The following FRMD6 variants were observed in gnomAD, a reference collection of about 807,000 sequenced individuals.
FRMD6 encodes the protein FERM domain-containing protein 6.
Under a neutral mutation model 73.2 loss-of-function variants are expected in FRMD6, and 37 were observed. The observed-to-expected ratio is 0.51, with a 90% CI of 0.39 to 0.66. The LOEUF is 0.66. FRMD6 is among the 30% of genes least tolerant of loss of function. The probability of loss-of-function intolerance (pLI) is 0.00; values close to 1 mark genes in which losing one functional copy is unlikely to be tolerated. For synonymous variants in FRMD6, 273 were observed against 282.2 expected, an observed-to-expected ratio of 0.97 and a Z score of 0.33; for missense variants, 714 against 780.5, an observed-to-expected ratio of 0.91 and a Z score of 1.02.
At chr14:51,710,006 A>G (rs955092418) in intron 7 of FRMD6, among the ~76,000 whole-genome samples, 2 of 152,172 alleles carry the variant, frequency 1.3e-5, no homozygotes, top group Admixed American at 1.3e-4. Context: ...GTGAGTGCTC[A>G]ATAACCATTA....
chr14:51,716,686 CTG>C (rs908587132), intron 10 of FRMD6, among the ~76,000 whole-genome samples: 139 of 152,354 alleles, frequency 9.1e-4, no homozygotes, highest in African/African-American at 3.1e-3. Flanking sequence ...CACAAACTGC[CTG>C]TGTCTTCAGA....
chr14:51,592,467 C>T (rs575748731), intron 2 of FRMD6, among the ~76,000 whole-genome samples: 3 of 152,276 alleles, frequency 2.0e-5, no homozygotes, highest in Non-Finnish European at 4.4e-5. Flanking sequence ...AGTAGGTGCT[C>T]AATAAATATT....
rs146307553 is a variant in FRMD6, at chr14:51,568,478, T to C, written c.-209-1870T>C. Among the ~76,000 whole-genome samples the C allele has an allele frequency of 2.8e-4, 43 of 152,274 alleles. No individual in the cohort carries two copies. The East Asian group carries it at 2.9e-3, about 10-fold the overall frequency. ...CACTATCTTTGTCCCTATGTGGAAG[T>C]GAGGAGAGGTGACTAAGAAATGGCG... is the stretch of plus-strand genomic sequence containing the variant. On this transcript the variant is annotated intron_variant, in intron 1 of 14. Coordinates refer to the FRMD6 transcript ENST00000356218.
At chr14:51,525,863 C>A (rs924544813) in intron 1 of FRMD6, among the ~76,000 whole-genome samples, 3 of 152,156 alleles carry the variant, frequency 2.0e-5, no homozygotes, top group African/African-American at 7.2e-5. Context: ...CTGTGAGGCA[C>A]AGACTCTGCC....
In FRMD6 at chr14:51,524,536, C is replaced by T. The variant is rs940739235; in HGVS notation, c.-210+35116C>T. On this transcript the variant is annotated intron_variant, in intron 1 of 14. Transcript: ENST00000356218. Reference sequence around the variant, plus strand: ...ATACATTACTTTTTTATTTTTATGACGGGGGGGGTCTCTTTGTTGTTTAAA... The same window carrying T: ...ATACATTACTTTTTTATTTTTATGATGGGGGGGGTCTCTTTGTTGTTTAAA... Among the ~76,000 whole-genome samples the T allele has an allele frequency of 1.2e-4, 18 of 149,920 alleles. 1 individual carries two copies. Among genetic ancestry groups the T allele is most frequent in the Admixed American group, 8.0e-4 (12 of 15,082 alleles).
chr14:51,612,265 C>A (rs576124468), intron 2 of FRMD6, among the ~76,000 whole-genome samples: 1 of 152,172 alleles, frequency 6.6e-6, no homozygotes, highest in Non-Finnish European at 1.5e-5. Flanking sequence ...CTAGATGAGA[C>A]TAGAGTAGCT....
chr14:51,522,356 T>C (rs1245629207), intron 1 of FRMD6, among the ~76,000 whole-genome samples: 1 of 152,194 alleles, frequency 6.6e-6, no homozygotes, highest in Non-Finnish European at 1.5e-5. Context: ...TGTGATGACA[T>C]AAATCTGAAG....
At chr14:51,399,258 A>G in the FRMD6 span, among the ~76,000 whole-genome samples, 3 of 152,248 alleles carry the variant, frequency 2.0e-5, no homozygotes, top group Non-Finnish European at 2.9e-5. Flanking sequence ...ATCTTTATGC[A>G]TGTCTCACAC....
At chr14:51,722,732 C>G (rs1897698785) in intron 12 of FRMD6, among the ~76,000 whole-genome samples, 1 of 152,222 alleles carries the variant, frequency 6.6e-6, no homozygotes, top group African/African-American at 2.4e-5. Flanking sequence ...AGACATCAGT[C>G]AGATCTAACT....
intron 1 of FRMD6, among the ~76,000 whole-genome samples, chr14:51,522,055 A>T (rs1884983814): frequency 6.6e-6 from 1 of 152,172 alleles, no homozygotes; most frequent in African/African-American, 2.4e-5. Flanking sequence ...ATGTACCAGG[A>T]TTAAAGGTCA....
chr14:51,563,789 G>C (rs1031215876), intron 1 of FRMD6, among the ~76,000 whole-genome samples: 1 of 152,162 alleles, frequency 6.6e-6, no homozygotes, highest in Non-Finnish European at 1.5e-5. Context: ...TATACTAATG[G>C]CTATGAAAAA....
rs1898091971 is a variant in FRMD6, at chr14:51,728,202, T to A, written c.*173T>A. On this transcript the variant is annotated 3_prime_UTR_variant, in exon 14 of 14. Transcript: ENST00000344768. ...CCTTGGAACAATTGCACTTTAAGTA[T>A]TACACAGAAGTAAAAGAACTACAGA... 1 of 629,918 alleles carries A rather than the reference T, an allele frequency of 1.6e-6. No homozygotes were observed. Among genetic ancestry groups the A allele is most frequent in the Non-Finnish European group, 2.7e-6 (1 of 375,560 alleles). 39.0% of individuals were successfully genotyped at this position (629,918 alleles called of 1,614,324 possible).
At chr14:51,538,107 G>A (rs1885998517) in intron 1 of FRMD6, among the ~76,000 whole-genome samples, 1 of 152,036 alleles carries the variant, frequency 6.6e-6, no homozygotes, top group African/African-American at 2.4e-5. Flanking sequence ...ATTTTCTCTT[G>A]TGTTTTCTTC....
chr14:51,416,981 C>CT, the FRMD6 span, among the ~76,000 whole-genome samples: 4,516 of 151,024 alleles, frequency 0.03, 158 homozygotes, highest in African/African-American at 0.078. Context: ...GCAACCCCTG[C>CT]TTTTTTTTTG....
chr14:51,567,858 T>C (rs1887861735), intron 1 of FRMD6, among the ~76,000 whole-genome samples: 1 of 152,236 alleles, frequency 6.6e-6, no homozygotes, highest in South Asian at 2.1e-4. Context: ...TCATATCTAA[T>C]ACTTCTTTTA....
intron 2 of FRMD6, among the ~76,000 whole-genome samples, chr14:51,572,373 T>C (rs1888177384): frequency 6.6e-6 from 1 of 152,244 alleles, no homozygotes; most frequent in Non-Finnish European, 1.5e-5. Flanking sequence ...CTTTCCCTAA[T>C]CTTTCACATA....
At chr14:51,514,555 G>A (rs1884509266) in intron 1 of FRMD6, among the ~76,000 whole-genome samples, 1 of 152,152 alleles carries the variant, frequency 6.6e-6, no homozygotes, top group Non-Finnish European at 1.5e-5. Context: ...GATCAGTTAA[G>A]ACTACAATTG....
chr14:51,506,295 G>A (rs184066114), intron 1 of FRMD6, among the ~76,000 whole-genome samples: 146 of 152,112 alleles, frequency 9.6e-4, no homozygotes, highest in African/African-American at 3.3e-3. Flanking sequence ...CCCTCTCAGC[G>A]CCCAGAACAT....
chr14:51,625,040 A>T (rs1160741493), intron 2 of FRMD6, among the ~76,000 whole-genome samples: 1 of 152,236 alleles, frequency 6.6e-6, no homozygotes, highest in Admixed American at 6.5e-5. Flanking sequence ...TGCACAGTTA[A>T]CACTCTGTTT....
Sources: gnomAD v4.1 joint callset for allele counts (sites outside exome capture counted in the v4.1 genomes callset) on GRCh38, gnomAD v4.1.1 for gene constraint, MANE v1.5 for transcripts, NCBI Gene and HGNC (gene_info 2026-07-23, HGNC 2026-07-21) for gene names.